Variants in CBX5 observed in about 807,000 individuals in gnomAD.
CBX5 encodes chromobox 5.
CBX5 carries 7 observed loss-of-function variants against 20.7 expected under a neutral mutation model. The ratio of observed to expected loss-of-function variants is 0.34; its 90% CI spans 0.19 to 0.63. CBX5 has a LOEUF of 0.63. Ranked by LOEUF, CBX5 falls within the 30% of genes least tolerant of loss-of-function variation. CBX5 has a pLI of 0.75. For missense variants in CBX5, 110 were observed against 224.1 expected (o/e 0.49, Z 3.25); for synonymous variants, 78 against 77.0 (o/e 1.01, Z -0.07).
chr12:54,252,308 G>A (rs1250827270), intron 2 of CBX5, 81 bp from the exon 3 acceptor site: 2 of 942,150 alleles, frequency 2.1e-6, no homozygotes, highest in East Asian at 2.8e-5. Flanking sequence ...TTATTTCAAA[G>A]AGGACATTCG....
intron 1 of CBX5, chr12:54,277,006 T>C (rs1944075874): frequency 6.6e-6 from 1 of 152,202 alleles, no homozygotes; most frequent in Non-Finnish European, 1.5e-5. Flanking sequence ...ATCAATCGTA[T>C]GTGTAAGTTT....
rs75065359 is a variant in CBX5, at chr12:54,275,799, A to G, written c.-43+4209T>C. Among the ~76,000 whole-genome samples, 637 of 151,966 alleles carry G rather than the reference A, an allele frequency of 4.2e-3. 4 individuals are homozygous for G. The highest frequency in any genetic ancestry group is 5.8e-3 in the South Asian group (28 of 4,808). ...GGCAGGCAGATCACCTAAGGTCAGG[A>G]GTTTGAGGCCAGCCTAACCAACATG... On this transcript the variant is annotated intron_variant, in intron 1 of 4. Coordinates refer to ENST00000209875, the MANE Select transcript of CBX5 (RefSeq NM_012117.3).
At chr12:54,278,866 C>A (rs1944097383) in intron 1 of CBX5, 1 of 151,894 alleles carries the variant, frequency 6.6e-6, no homozygotes, top group African/African-American at 2.4e-5. Context: ...AGGATATCTT[C>A]AATGGTGTAA....
chr12:54,252,209 T>C lies in CBX5; in HGVS notation c.156A>G (p.Glu52=), dbSNP rs748458536. The C allele has an allele frequency of 7.5e-6, 12 of 1,598,812 alleles. No homozygotes were observed. The highest frequency in any genetic ancestry group is 1.3e-5 in the African/African-American group (1 of 74,154). Residue 52 remains glutamate (E), a synonymous_variant, in exon 3 of 5, where the codon GAA becomes GAG. Transcript: ENST00000209875. ...KGFSEEHNTW[E]PEKNLDCPEL... is the part of the protein sequence containing the mutation. ...CAGGGCAATCCAAGTTTTTCTCAGG[T>C]TCCCAAGTATTGTGCTCCCTGGGTA...
At chr12:54,261,137 G>A (rs1418938755) in intron 1 of CBX5, among the ~76,000 whole-genome samples, 2 of 148,560 alleles carry the variant, frequency 1.3e-5, no homozygotes, top group Non-Finnish European at 3.0e-5. Context: ...GTTGCAGTGA[G>A]CCGAGACTGC....
At chr12:54,242,418 G>C (rs990415093) in intron 4 of CBX5, among the ~76,000 whole-genome samples, 1 of 151,670 alleles carries the variant, frequency 6.6e-6, no homozygotes, top group Non-Finnish European at 1.5e-5. Context: ...CCAGCTACTC[G>C]GGAGGCTGAG....
intron 4 of CBX5, among the ~76,000 whole-genome samples, chr12:54,242,672 C>T (rs1943690359): frequency 2.6e-5 from 4 of 152,092 alleles, no homozygotes; most frequent in South Asian, 2.1e-4. Context: ...ACTCATTACC[C>T]CTCTGGCCAG....
In CBX5 at chr12:54,236,380, T is replaced by C. The variant is rs896636674; in HGVS notation, c.*5375A>G. On this transcript the variant is annotated 3_prime_UTR_variant, in exon 5 of 5. Coordinates refer to ENST00000209875, the MANE Select transcript of CBX5 (RefSeq NM_012117.3). ...TCAGGCCAAAAAAATGTCTGTTGAA[T>C]GAAACCAATGTTGATGTACAGCAAT... 1.3e-5 allele frequency: 2 copies of C among 152,214 alleles called. No individual in the cohort carries two copies. The highest frequency in any genetic ancestry group is 4.8e-5 in the African/African-American group (2 of 41,462). The allele number at this position is 152,214 out of a possible 1,614,324, so 9.4% of individuals were successfully genotyped here. A position where few individuals can be genotyped will look rare whatever the true frequency, so the allele number is the denominator to read the frequency against.
intron 1 of CBX5, among the ~76,000 whole-genome samples, chr12:54,260,155 A>C (rs1244040742): frequency 1.4e-5 from 2 of 147,422 alleles, no homozygotes; most frequent in Non-Finnish European, 3.0e-5. Context: ...TACCAAAACA[A>C]CAACCAAAAA....
At chr12:54,270,040 CT>C (rs1289515184) in intron 1 of CBX5, among the ~76,000 whole-genome samples, 1 of 152,100 alleles carries the variant, frequency 6.6e-6, no homozygotes. Flanking sequence ...TAATTAGTAT[CT>C]TTTTTCCTGA....
intron 1 of CBX5, among the ~76,000 whole-genome samples, chr12:54,267,264 T>C (rs752523074): frequency 6.6e-6 from 1 of 152,202 alleles, no homozygotes; most frequent in Non-Finnish European, 1.5e-5. Flanking sequence ...ACATACCACT[T>C]TGGCAGATCA....
intron 2 of CBX5, among the ~76,000 whole-genome samples, chr12:54,254,213 C>T (rs1375752619): frequency 2.6e-5 from 4 of 151,022 alleles, no homozygotes; most frequent in Non-Finnish European, 5.9e-5. Context: ...GCCTGTAATC[C>T]TAGCTACTCA....
At chr12:54,250,782 G>A (rs1385821086) in intron 3 of CBX5, among the ~76,000 whole-genome samples, 18 of 113,298 alleles carry the variant, frequency 1.6e-4, no homozygotes, top group Non-Finnish European at 2.3e-4. Flanking sequence ...TCCGCAGTCC[G>A]GCCTGTGCGA....
At chr12:54,255,985 T>C (rs1943859462) in intron 2 of CBX5, 1 of 152,216 alleles carries the variant, frequency 6.6e-6, no homozygotes, top group Admixed American at 6.5e-5. Context: ...AAAGTAGGCA[T>C]TTAGTTATAG....
chr12:54,240,926 C>A lies in CBX5; in HGVS notation c.*829G>T, dbSNP rs1943669726. Reference sequence around the variant, plus strand: ...ATGGAAAGAAATCATACATACATACCATATATGATAATAAAGACAATTGTA... The same window carrying A: ...ATGGAAAGAAATCATACATACATACAATATATGATAATAAAGACAATTGTA... On this transcript the variant is annotated 3_prime_UTR_variant, in exon 5 of 5. Transcript: ENST00000209875. 1 of 152,108 alleles carries A rather than the reference C, an allele frequency of 6.6e-6. No individual in the cohort carries two copies. Among genetic ancestry groups the A allele is most frequent in the Non-Finnish European group, 1.5e-5 (1 of 68,020 alleles). The allele number at this position is 152,108 out of a possible 1,614,324, so 9.4% of individuals were successfully genotyped here. A position where few individuals can be genotyped will look rare whatever the true frequency, so the allele number is the denominator to read the frequency against.
chr12:54,252,281 G>GA, intron 2 of CBX5, 54 bp from the exon 3 acceptor site: 3 of 1,329,920 alleles, frequency 2.3e-6, no homozygotes, highest in Non-Finnish European at 3.1e-6. Flanking sequence ...AAAGAATGAG[G>GA]AAAAAAATCC....
chr12:54,257,449 A>G, intron 2 of CBX5, 65 bp downstream of exon 2: 1 of 1,540,394 alleles, frequency 6.5e-7, no homozygotes, highest in Non-Finnish European at 8.9e-7. Context: ...GTGATTCCTA[A>G]GGAAGTAAAC....
At chr12:54,265,208 G>A (rs2137027062) in intron 1 of CBX5, among the ~76,000 whole-genome samples, 1 of 152,276 alleles carries the variant, frequency 6.6e-6, no homozygotes, top group Middle Eastern at 3.4e-3. Flanking sequence ...TGTCTTCAAA[G>A]CATCCTCTAT....
chr12:54,254,149 T>C (rs1943840148), intron 2 of CBX5, among the ~76,000 whole-genome samples: 1 of 149,912 alleles, frequency 6.7e-6, no homozygotes, highest in Admixed American at 6.6e-5. Flanking sequence ...CGGTGGCTCA[T>C]GCGTGTAATC....
Sources: allele counts gnomAD v4.1 joint callset (sites outside exome capture counted in the v4.1 genomes callset), GRCh38; gene constraint gnomAD v4.1.1; transcripts MANE v1.5; gene names NCBI Gene and HGNC (gene_info 2026-07-23, HGNC 2026-07-21).